The following GON4L variants were observed in gnomAD, a reference collection of about 807,000 sequenced individuals.
The protein encoded by GON4L is GON-4-like protein.
Under a neutral mutation model 211.8 loss-of-function variants are expected in GON4L, and 87 were observed. The ratio of observed to expected loss-of-function variants is 0.41; its 90% CI spans 0.35 to 0.49. GON4L has a LOEUF of 0.49. Among genes scored for constraint, GON4L ranks in the 20% least tolerant of loss-of-function variants. The probability of loss-of-function intolerance (pLI) is 0.15; values close to 1 mark genes in which losing one functional copy is unlikely to be tolerated. For missense variants in GON4L, 2,155 were observed against 2,659.5 expected, an observed-to-expected ratio of 0.81 and a Z score of 4.17; for synonymous variants, 875 against 962.6, an observed-to-expected ratio of 0.91 and a Z score of 1.68.
chr1:155,781,843 G>A (rs1408865283), intron 14 of GON4L, among the ~76,000 whole-genome samples: 7 of 151,832 alleles, frequency 4.6e-5, no homozygotes, highest in Non-Finnish European at 8.8e-5. Flanking sequence ...TGCAACCTCC[G>A]CCTCCAGGGT....
chr1:155,766,856 A>C lies in GON4L; in HGVS notation c.2764-147T>G, dbSNP rs1662551016. The C allele has an allele frequency of 2.2e-5, 28 of 1,263,544 alleles. 1 individual carries two copies. The South Asian group carries it at 3.4e-4, about 15-fold the overall frequency. The allele number at this position is 1,263,544 out of a possible 1,614,324, so 78.3% of individuals were successfully genotyped here. ...AGGTCAGGAGTTCAGGATGAGCCTG[A>C]CCAACACGGTGAAACCCCGTCTCTA... On this transcript the variant is annotated intron_variant, in intron 20 of 31. Transcript: ENST00000368331.
intron 2 of GON4L, among the ~76,000 whole-genome samples, chr1:155,851,983 G>A (rs822488): frequency 0.86 from 131,086 of 151,800 alleles, 58,092 homozygotes; most frequent in East Asian, 1. Context: ...TGGCCAACAT[G>A]GGGAAACCTC....
At chr1:155,788,102 A>G (rs59439156) in intron 12 of GON4L, among the ~76,000 whole-genome samples, 1 of 152,188 alleles carries the variant, frequency 6.6e-6, no homozygotes, top group South Asian at 2.1e-4. Flanking sequence ...AGCAATTCTC[A>G]TGCCTCAGCC....
intron 2 of GON4L, among the ~76,000 whole-genome samples, chr1:155,850,697 G>A (rs771327656): frequency 1.3e-5 from 2 of 152,036 alleles, no homozygotes; most frequent in Admixed American, 6.6e-5. Context: ...GTACCAGTAG[G>A]ACAAAATAAG....
Position 155,754,165 on chromosome 1 carries a change from C to T in GON4L, c.5631+210G>A, listed in dbSNP as rs571520861. ...AACTGGTATTTTGTTTTTCCAATTC[C>T]AAAAGCTTTACTCACAGAATTCTCT... On this transcript the variant is annotated intron_variant, in intron 28 of 31. Coordinates refer to ENST00000368331, the MANE Select transcript of GON4L (RefSeq NM_001282860.2). 263 of 603,672 alleles carry T rather than the reference C, an allele frequency of 4.4e-4. 2 individuals carry two copies. The African/African-American group carries it at 4.4e-3, about 10-fold the overall frequency. The allele number at this position is 603,672 out of a possible 1,614,324, so 37.4% of individuals were successfully genotyped here.
intron 3 of GON4L, among the ~76,000 whole-genome samples, chr1:155,822,816 G>A (rs377419165): frequency 3.9e-5 from 6 of 152,228 alleles, no homozygotes; most frequent in South Asian, 2.1e-4. Context: ...TTTTTGAGAC[G>A]GAGTTTTCGC....
intron 2 of GON4L, among the ~76,000 whole-genome samples, chr1:155,843,305 T>C (rs1042513309): frequency 2.6e-5 from 4 of 152,146 alleles, no homozygotes; most frequent in Non-Finnish European, 2.9e-5. Flanking sequence ...TTGCAGAATC[T>C]GTCATCAGCA....
In GON4L at chr1:155,754,412, T is replaced by A. The variant is rs1253154120; in HGVS notation, c.5594A>T (p.Lys1865Met). Residue 1865 changes from lysine (K) to methionine (M), a missense_variant, in exon 28 of 32, where the codon AAG (lysine) becomes ATG (methionine). By Grantham distance (95) the Lys-to-Met change is moderately conservative. Around this residue, in one of 6 missense-constraint regions of GON4L, gnomAD observed 455 missense variants for 504.6 expected, o/e 0.90. Coordinates refer to ENST00000368331, the MANE Select transcript of GON4L (RefSeq NM_001282860.2). The stretch of plus-strand genomic sequence containing the variant: ...GTGGCTACAGCTCCGCCTTTTGCTC[T>A]TCTTCAGCTTGGAATCTGGACCTCC... ...HEGGPDSKLK[K>M]SKRRSCSHCS... is the part of the protein sequence containing the mutation. 1 of 1,613,476 alleles carries A rather than the reference T, an allele frequency of 6.2e-7. No homozygotes were observed. Among genetic ancestry groups the A allele is most frequent in the Non-Finnish European group, 8.5e-7 (1 of 1,179,468 alleles).
At chr1:155,854,317 C>A (rs562115554) in intron 1 of GON4L, among the ~76,000 whole-genome samples, 1 of 152,254 alleles carries the variant, frequency 6.6e-6, no homozygotes, top group Non-Finnish European at 1.5e-5. Flanking sequence ...CTACGCCTGG[C>A]TAATTTTTTT....
In GON4L at chr1:155,782,951, G is replaced by A. The variant is rs139445052; in HGVS notation, c.1892+1035C>T. Among the ~76,000 whole-genome samples, 114 of 152,156 alleles carry A rather than the reference G, an allele frequency of 7.5e-4. 1 individual carries two copies. The East Asian group carries it at 0.019, about 25-fold the overall frequency. ...AGGGATTACAGGCATGAGCCACTGC[G>A]CCCAGCCTACACTTCCCAAATTTTA... On this transcript the variant is annotated intron_variant, in intron 14 of 31. Transcript: ENST00000368331.
At chr1:155,803,525 G>T (rs1666877465) in intron 11 of GON4L, among the ~76,000 whole-genome samples, 1 of 152,300 alleles carries the variant, frequency 6.6e-6, no homozygotes, top group East Asian at 1.9e-4. Context: ...TAATAGGTGT[G>T]AGCCACCACG....
At chr1:155,772,518 C>T (rs1663300155) in intron 18 of GON4L, among the ~76,000 whole-genome samples, 2 of 148,734 alleles carry the variant, frequency 1.3e-5, no homozygotes, top group African/African-American at 5.0e-5. Context: ...TTTGGGAGGC[C>T]AAGGTGGGAG....
intron 12 of GON4L, among the ~76,000 whole-genome samples, chr1:155,790,731 G>A (rs1665455089): frequency 6.7e-6 from 1 of 149,376 alleles, no homozygotes; most frequent in Non-Finnish European, 1.5e-5. Context: ...GGATCACAAG[G>A]TCAGGAGATC....
Position 155,809,615 on chromosome 1 carries a change from TTA to T in GON4L, c.1452+4017_1452+4018del, listed in dbSNP as rs1366825495. ...TTATATATACTTATAAATTATATAC[TTA>T]TATATACTTATAAATTATATACTTA... On this transcript the variant is annotated intron_variant, in intron 10 of 31. Coordinates refer to ENST00000368331, the MANE Select transcript of GON4L (RefSeq NM_001282860.2). 3.6e-4 allele frequency among the ~76,000 whole-genome samples: 39 copies of T among 108,062 alleles called. 1 individual carries two copies. Among genetic ancestry groups the T allele is most frequent in the African/African-American group, 1.3e-3 (37 of 27,578 alleles). 70.9% of individuals were successfully genotyped at this position (108,062 alleles called of 152,430 possible). A position where few individuals can be genotyped will look rare whatever the true frequency, so the allele number is the denominator to read the frequency against.
chr1:155,766,037 T>G lies in GON4L; in HGVS notation c.3436A>C (p.Thr1146Pro). 1 of 1,614,062 alleles carries G rather than the reference T, an allele frequency of 6.2e-7. No homozygotes were observed. Among genetic ancestry groups the G allele is most frequent in the Admixed American group, 1.7e-5 (1 of 60,004 alleles). Residue 1146 changes from threonine to proline, a missense_variant, in exon 21 of 32, where the codon ACT (threonine) becomes CCT (proline). This residue lies in a region of GON4L where 615 missense variants were observed against 625.7 expected (regional missense o/e 0.98). Transcript: ENST00000368331. The part of the protein sequence containing the change: ...VIHHPASVIF[T>P]VPATTVKIVS... The stretch of plus-strand genomic sequence containing the variant: ...ATCTTCACAGTGGTAGCAGGAACAG[T>G]GAAGATAACAGATGCAGGGTGGTGG...
chr1:155,784,001 G>A lies in GON4L; in HGVS notation c.1877C>T (p.Thr626Ile). The change falls in exon 14 of 32, where the codon ACC (threonine) becomes ATC (isoleucine). Residue 626 changes from threonine to isoleucine, a missense_variant. By Grantham distance (89) the Thr-to-Ile change is moderately conservative (BLOSUM62 -1). This residue lies in a region of GON4L where 551 missense variants were observed against 854.0 expected (regional missense o/e 0.65). Coordinates refer to ENST00000368331, the MANE Select transcript of GON4L (RefSeq NM_001282860.2). Reference protein sequence around the residue: ...CVAEPRPNFNTPQALRFEEPL... With the variant: ...CVAEPRPNFNIPQALRFEEPL... ...ACTAGCCTACCGTAGAGCTTGAGGG[G>A]TGTTAAAGTTAGGACGAGGCTCAGC... The A allele has an allele frequency of 6.2e-7, 1 of 1,613,860 alleles. No homozygotes were observed. The highest frequency in any genetic ancestry group is 1.1e-5 in the South Asian group (1 of 91,082).
intron 31 of GON4L, 65 bp downstream of exon 31, chr1:155,751,702 T>C (rs746113917): frequency 9.2e-7 from 1 of 1,091,096 alleles, no homozygotes; most frequent in Non-Finnish European, 1.4e-6. Context: ...TTCTTTGGCC[T>C]TTCTGTCTGT....
chr1:155,747,064 G>A (rs1429297084), downstream of GON4L: 21 of 1,606,494 alleles, frequency 1.3e-5, no homozygotes, highest in Non-Finnish European at 1.8e-5. Context: ...AACTCAAGGA[G>A]GATGAAGCAA....
chr1:155,823,452 C>T (rs1668905610), intron 3 of GON4L, among the ~76,000 whole-genome samples: 1 of 152,140 alleles, frequency 6.6e-6, no homozygotes, highest in East Asian at 1.9e-4. Flanking sequence ...TATAACTATC[C>T]TCATATATAA....
Sources: gnomAD v4.1 joint callset for allele counts (sites outside exome capture counted in the v4.1 genomes callset) on GRCh38, gnomAD v4.1.1 for gene constraint, gnomAD v4.1.1 regional missense constraint, MANE v1.5 for transcripts, NCBI Gene and HGNC (gene_info 2026-07-23, HGNC 2026-07-21) for gene names.